Variants in PTK2 observed in about 807,000 individuals in gnomAD.
The protein encoded by PTK2 is protein tyrosine kinase 2.
A neutral mutation model predicts 150.1 loss-of-function variants in PTK2; 45 were observed. The ratio of observed to expected loss-of-function variants is 0.30; its 90% CI spans 0.24 to 0.38. The LOEUF (loss-of-function observed/expected upper bound fraction) is 0.38. Ranked by LOEUF, PTK2 falls within the 10% of genes least tolerant of loss-of-function variation. The probability of loss-of-function intolerance (pLI) is 1.00; values close to 1 mark genes in which losing one functional copy is unlikely to be tolerated. For missense variants in PTK2, 919 were observed against 1,307.3 expected (o/e 0.70, Z 4.58); for synonymous variants, 432 against 449.2 (o/e 0.96, Z 0.48).
At chr8:140,769,188 A>G (rs1330605116) in intron 14 of PTK2, among the ~76,000 whole-genome samples, 4 of 152,146 alleles carry the variant, frequency 2.6e-5, no homozygotes, top group African/African-American at 9.7e-5. Flanking sequence ...TTTCCTTTCT[A>G]CTATCTCATT....
At chr8:140,723,380 C>T (rs1479499076) in intron 22 of PTK2, among the ~76,000 whole-genome samples, 2 of 152,262 alleles carry the variant, frequency 1.3e-5, no homozygotes, top group South Asian at 2.1e-4. Flanking sequence ...CCTGTCAAAA[C>T]GTTTCTGAGA....
chr8:140,685,962 T>C (rs953336090), intron 27 of PTK2, among the ~76,000 whole-genome samples: 2 of 152,140 alleles, frequency 1.3e-5, no homozygotes, highest in African/African-American at 4.8e-5. Context: ...CTGTTCACAA[T>C]AACAAGGTCA....
At chr8:140,689,769 T>C (rs1302239184) in intron 26 of PTK2, among the ~76,000 whole-genome samples, 1 of 152,202 alleles carries the variant, frequency 6.6e-6, no homozygotes, top group Non-Finnish European at 1.5e-5. Flanking sequence ...TGGGAATTCT[T>C]TGTACCATTC....
At chr8:140,955,582 A>G (rs1351690642) in intron 1 of PTK2, among the ~76,000 whole-genome samples, 1 of 152,258 alleles carries the variant, frequency 6.6e-6, no homozygotes, top group Non-Finnish European at 1.5e-5. Flanking sequence ...GAGAAATGAA[A>G]GAAAAAGTAA....
At chr8:140,795,055 C>T (rs933435750) in intron 12 of PTK2, among the ~76,000 whole-genome samples, 7 of 152,258 alleles carry the variant, frequency 4.6e-5, no homozygotes, top group African/African-American at 1.4e-4. Flanking sequence ...CTTTACTGTC[C>T]AACTCTATCC....
At chr8:140,979,849 A>C (rs1334003091) in intron 1 of PTK2, among the ~76,000 whole-genome samples, 1 of 152,174 alleles carries the variant, frequency 6.6e-6, no homozygotes, top group Non-Finnish European at 1.5e-5. Flanking sequence ...CTTGCCTCCT[A>C]CCATGATTGT....
At chr8:140,971,242 T>A (rs181832897) in intron 1 of PTK2, among the ~76,000 whole-genome samples, 20 of 152,344 alleles carry the variant, frequency 1.3e-4, no homozygotes, top group Admixed American at 4.6e-4. Flanking sequence ...GACAAATGAT[T>A]TGCTGCACAA....
chr8:140,864,503 AGAT>A, intron 4 of PTK2, 104 bp from the exon 5 acceptor site: 1 of 550,088 alleles, frequency 1.8e-6, no homozygotes, highest in Non-Finnish European at 3.1e-6. Context: ...TTACTCTGAA[AGAT>A]GATTTCAAAT....
intron 4 of PTK2, 134 bp downstream of exon 4, chr8:140,879,337 C>A: frequency 2.1e-6 from 2 of 945,826 alleles, no homozygotes; most frequent in Non-Finnish European, 3.0e-6. Context: ...TAATTACTAA[C>A]GAATTTTATT....
intron 4 of PTK2, among the ~76,000 whole-genome samples, chr8:140,877,926 G>T (rs930338555): frequency 6.6e-6 from 1 of 152,032 alleles, no homozygotes; most frequent in Non-Finnish European, 1.5e-5. Flanking sequence ...AACAAAGTCT[G>T]CATCTGACAT....
Position 140,991,524 on chromosome 8 carries a change from TA to T in PTK2, c.-122+9600del, listed in dbSNP as rs1467428083. On this transcript the variant is annotated intron_variant, in intron 1 of 31. Coordinates refer to ENST00000522684, the Ensembl canonical transcript of PTK2. ...GATCTTTCCAAGATTTTGAAAATCC[TA>T]AAAAACATATTTAGATTCCTGAAGT... 3.9e-5 allele frequency among the ~76,000 whole-genome samples: 6 copies of T among 152,320 alleles called. No homozygotes were observed. The South Asian group carries it at 8.3e-4, about 21-fold the overall frequency.
At chr8:140,886,248 G>T (rs2100152243) in intron 3 of PTK2, among the ~76,000 whole-genome samples, 1 of 152,206 alleles carries the variant, frequency 6.6e-6, no homozygotes, top group African/African-American at 2.4e-5. Flanking sequence ...GTAGCAAGAA[G>T]TGTAAAGACA....
chr8:140,907,605 C>A (rs2100161487), intron 2 of PTK2, among the ~76,000 whole-genome samples: 1 of 152,156 alleles, frequency 6.6e-6, no homozygotes, highest in Non-Finnish European at 1.5e-5. Flanking sequence ...GGCAACCCTG[C>A]ATCGAGCGAG....
At chr8:140,862,817 C>G (rs1224804058) in intron 5 of PTK2, among the ~76,000 whole-genome samples, 1 of 152,106 alleles carries the variant, frequency 6.6e-6, no homozygotes, top group Non-Finnish European at 1.5e-5. Flanking sequence ...AGTTTCATCC[C>G]GAAATCATTC....
intron 5 of PTK2, among the ~76,000 whole-genome samples, chr8:140,863,138 T>C (rs1294173028): frequency 6.6e-6 from 1 of 152,238 alleles, no homozygotes; most frequent in Non-Finnish European, 1.5e-5. Flanking sequence ...CATTGCTCTT[T>C]CATGGCAGTA....
chr8:140,719,142 C>A (rs1008803116), intron 22 of PTK2, among the ~76,000 whole-genome samples: 1 of 152,152 alleles, frequency 6.6e-6, no homozygotes, highest in Admixed American at 6.5e-5. Context: ...CGCCACTGTA[C>A]TCCAGCCTGG....
At chr8:140,818,145 C>T in intron 10 of PTK2, 132 bp downstream of exon 10, 1 of 774,264 alleles carries the variant, frequency 1.3e-6, no homozygotes, top group Non-Finnish European at 2.2e-6. Flanking sequence ...TCCCCCACTC[C>T]ACTGAACAAT....
rs574862845 is a variant in PTK2 at position 140,668,527 on chromosome 8, CAGA to C, written c.2710-106_2710-104del. The C allele has an allele frequency of 3.4e-4, 449 of 1,318,728 alleles. 6 individuals carry two copies. In the South Asian group the frequency reaches 5.8e-3, roughly 17 times the overall value. The allele number at this position is 1,318,728 out of a possible 1,614,324, so 81.7% of individuals were successfully genotyped here. On this transcript the variant is annotated intron_variant, in intron 29 of 31. Coordinates refer to ENST00000522684, the Ensembl canonical transcript of PTK2. ...CTTTACAAGAGATCAAAGCAGATTG[CAGA>C]AGGTCATTGATTTTCTTGTGTGTGC...
intron 1 of PTK2, among the ~76,000 whole-genome samples, chr8:140,969,202 C>T (rs1330634327): frequency 6.6e-6 from 1 of 152,132 alleles, no homozygotes; most frequent in Non-Finnish European, 1.5e-5. Flanking sequence ...CTCCTCCTAA[C>T]ATAACATCCA....
Sources: gnomAD v4.1 joint callset for allele counts (sites outside exome capture counted in the v4.1 genomes callset) on GRCh38, gnomAD v4.1.1 for gene constraint, MANE v1.5 for transcripts, NCBI Gene and HGNC (gene_info 2026-07-23, HGNC 2026-07-21) for gene names.